Variants in CD302 observed in about 807,000 individuals in gnomAD.
The protein encoded by CD302 is CD302 antigen.
Under a neutral mutation model 26.5 loss-of-function variants are expected in CD302, and 23 were observed. That is an observed-to-expected ratio of 0.87 (90% CI 0.62 to 1.23). CD302 has a LOEUF of 1.23. Ranked by LOEUF, CD302 falls within the 50% of genes most tolerant of loss-of-function variation. CD302 has a pLI of 0.00. For missense variants in CD302, 290 were observed against 275.5 expected (o/e 1.05, Z -0.37); for synonymous variants, 90 against 99.4 (o/e 0.91, Z 0.56).
At chr2:159,781,692 C>G (rs1296718160) in intron 2 of CD302, among the ~76,000 whole-genome samples, 1 of 151,958 alleles carries the variant, frequency 6.6e-6, no homozygotes, top group African/African-American at 2.4e-5. Context: ...CTAAGACCAG[C>G]AAAATTGCTA....
chr2:159,771,958 CAG>C lies in CD302; in HGVS notation c.590_591del (p.Ser197Ter). On this transcript the variant is annotated frameshift_variant, in exon 6 of 6. Coordinates refer to ENST00000259053, the MANE Select transcript of CD302 (RefSeq NM_014880.5). LOFTEE classifies it high-confidence loss of function. ...GAAAAAACTGTGGTGAAACGAGAAT[CAG>C]AATGTTTTTTGTACAGGAACCAAAT... is the stretch of plus-strand genomic sequence containing the variant. ...AIIWFLYKKH[S>X]DSRFTTVFST... 1.9e-6 allele frequency: 3 copies of C among 1,613,954 alleles called. No individual in the cohort carries two copies. Among genetic ancestry groups the C allele is most frequent in the Non-Finnish European group, 2.5e-6 (3 of 1,179,918 alleles).
chr2:159,791,670 C>T (rs1215203293), intron 1 of CD302, among the ~76,000 whole-genome samples: 1 of 152,200 alleles, frequency 6.6e-6, no homozygotes, highest in Non-Finnish European at 1.5e-5. Context: ...TGGGTCAATA[C>T]AGGACTCTGG....
chr2:159,786,622 C>T (rs1176058835), intron 1 of CD302, among the ~76,000 whole-genome samples: 1 of 152,210 alleles, frequency 6.6e-6, no homozygotes, highest in Non-Finnish European at 1.5e-5. Flanking sequence ...GCATGAGCCA[C>T]TGCGCCCGGC....
chr2:159,775,270 A>G (rs768265259), intron 5 of CD302, among the ~76,000 whole-genome samples: 1 of 152,226 alleles, frequency 6.6e-6, no homozygotes, highest in African/African-American at 2.4e-5. Flanking sequence ...TTACATACAC[A>G]TATTTAATAC....
At position 159,771,966 on chromosome 2, in the gene CD302, T is replaced by G. The variant is rs200348184; in HGVS notation, c.584A>C (p.Lys195Thr). ...TGTGGTGAAACGAGAATCAGAATGTTTTTTGTACAGGAACCAAATGATTGC... is the reference window on the plus strand; with the variant it reads ...TGTGGTGAAACGAGAATCAGAATGTGTTTTGTACAGGAACCAAATGATTGC... ...LGAIIWFLYK[K>T]HSDSRFTTVF... Residue 195 changes from lysine to threonine, a missense_variant, in exon 6 of 6, where the codon AAA becomes ACA. Transcript: ENST00000259053. 8.1e-6 allele frequency: 13 copies of G among 1,614,046 alleles called. No individual in the cohort carries two copies. Among genetic ancestry groups the G allele is most frequent in the East Asian group, 4.5e-5 (2 of 44,860 alleles).
chr2:159,786,897 G>A (rs919213654), intron 1 of CD302, among the ~76,000 whole-genome samples: 3 of 152,178 alleles, frequency 2.0e-5, no homozygotes, highest in African/African-American at 7.2e-5. Flanking sequence ...CCTTCCAAAG[G>A]TCATCTCTAA....
intron 1 of CD302, among the ~76,000 whole-genome samples, chr2:159,789,558 GTT>G (rs5835764): frequency 1.6e-4 from 24 of 147,134 alleles, no homozygotes; most frequent in African/African-American, 3.5e-4. Context: ...CCTTAGGCCT[GTT>G]TTTTTTTTTT....
At chr2:159,790,494 C>T (rs961281817) in intron 1 of CD302, among the ~76,000 whole-genome samples, 1 of 152,152 alleles carries the variant, frequency 6.6e-6, no homozygotes, top group Non-Finnish European at 1.5e-5. Context: ...GGTTTCTTCC[C>T]TCCTTCCCCT....
chr2:159,779,184 T>A (rs1708428349), intron 4 of CD302, among the ~76,000 whole-genome samples: 1 of 95,932 alleles, frequency 1.0e-5, no homozygotes, highest in Non-Finnish European at 2.1e-5. Flanking sequence ...TGAGCCAAGA[T>A]CGCGCCACCG....
intron 5 of CD302, among the ~76,000 whole-genome samples, chr2:159,777,197 G>A (rs959612069): frequency 6.6e-6 from 1 of 152,204 alleles, no homozygotes; most frequent in Non-Finnish European, 1.5e-5. Context: ...ACTGCGGTGA[G>A]TCAAGCTCAC....
intron 1 of CD302, among the ~76,000 whole-genome samples, chr2:159,793,001 TGAG>T (rs915675103): frequency 3.1e-4 from 47 of 152,346 alleles, no homozygotes; most frequent in African/African-American, 1.1e-3. Context: ...ATAACTCCTG[TGAG>T]GAGATTGTTG....
intron 1 of CD302, among the ~76,000 whole-genome samples, chr2:159,793,350 T>C (rs1285484214): frequency 6.6e-6 from 1 of 152,114 alleles, no homozygotes; most frequent in Non-Finnish European, 1.5e-5. Context: ...TAATGTCATA[T>C]CCACAGGAAT....
At chr2:159,794,947 G>A (rs1482280548) in intron 1 of CD302, among the ~76,000 whole-genome samples, 19 of 151,650 alleles carry the variant, frequency 1.3e-4, no homozygotes, top group Admixed American at 5.2e-4. Context: ...GCATCAGGCC[G>A]GGCACGGTGG....
chr2:159,793,634 G>A (rs1708867326), intron 1 of CD302, among the ~76,000 whole-genome samples: 2 of 152,188 alleles, frequency 1.3e-5, no homozygotes, highest in South Asian at 4.1e-4. Flanking sequence ...ATGAAGAAGA[G>A]GGGCTATTTA....
chr2:159,785,835 GT>G lies in CD302; in HGVS notation c.68-2367del, dbSNP rs562586273. ...CTAGAATTGATTGTGACTGTTGCAT[GT>G]AACCACACACCATCCAATGGCAGTG... On this transcript the variant is annotated intron_variant, in intron 1 of 5. Coordinates refer to ENST00000259053, the MANE Select transcript of CD302 (RefSeq NM_014880.5). 3.9e-4 allele frequency among the ~76,000 whole-genome samples: 59 copies of G among 152,226 alleles called. 1 individual carries two copies. The highest frequency in any genetic ancestry group is 6.5e-4 in the Admixed American group (10 of 15,286).
At chr2:159,786,654 T>G (rs1236386635) in intron 1 of CD302, among the ~76,000 whole-genome samples, 1 of 152,208 alleles carries the variant, frequency 6.6e-6, no homozygotes, top group Non-Finnish European at 1.5e-5. Flanking sequence ...CATACTAAAA[T>G]ATAACTGAAT....
chr2:159,781,236 T>C (rs569598347), intron 2 of CD302, among the ~76,000 whole-genome samples: 1 of 152,020 alleles, frequency 6.6e-6, no homozygotes, highest in East Asian at 1.9e-4. Context: ...CTTTACATAA[T>C]TTTTTTTAAG....
At position 159,798,191 on chromosome 2, in the gene CD302, C is replaced by G. The variant is rs1461221613; in HGVS notation, c.8G>C (p.Arg3Pro). The G allele has an allele frequency of 6.9e-7, 1 of 1,448,202 alleles. No homozygotes were observed. The highest frequency in any genetic ancestry group is 9.0e-7 in the Non-Finnish European group (1 of 1,105,684). 89.7% of individuals were successfully genotyped at this position (1,448,202 alleles called of 1,614,324 possible). A position where few individuals can be genotyped will look rare whatever the true frequency, so the allele number is the denominator to read the frequency against. ...CAGCAGGAGCGCGGGCAGCGCGGCC[C>G]GGAGCATGACGGCGGGTGCGGGTGG... MLRAALPALLLPL... is the reference protein window; with the variant it reads MLPAALPALLLPL... The change falls in exon 1 of 6, where the codon CGG (arginine) becomes CCG (proline). Residue 3 changes from arginine (R) to proline (P), a missense_variant. Arg to Pro is a moderately radical substitution (Grantham distance 103). Transcript: ENST00000259053.
chr2:159,771,080 G>T lies in CD302; in HGVS notation c.*771C>A, dbSNP rs1282366482. The T allele has an allele frequency of 6.6e-6, 1 of 152,070 alleles. No homozygotes were observed. The highest frequency in any genetic ancestry group is 2.4e-5 in the African/African-American group (1 of 41,408). 9.4% of individuals were successfully genotyped at this position (152,070 alleles called of 1,614,324 possible). On this transcript the variant is annotated 3_prime_UTR_variant, in exon 6 of 6. Coordinates refer to ENST00000259053, the MANE Select transcript of CD302 (RefSeq NM_014880.5). ...CGGTTTTTGCTTGCACAGTTTTCATGTCATTGAAGGAAAAATTTATAAATG... is the reference window on the plus strand; with the variant it reads ...CGGTTTTTGCTTGCACAGTTTTCATTTCATTGAAGGAAAAATTTATAAATG...
Sources: gnomAD v4.1 joint callset for allele counts (sites outside exome capture counted in the v4.1 genomes callset) on GRCh38, gnomAD v4.1.1 for gene constraint, MANE v1.5 for transcripts, NCBI Gene and HGNC (gene_info 2026-07-23, HGNC 2026-07-21) for gene names.